SVEP1: variants seen among roughly 807,000 people sequenced by gnomAD.
SVEP1 encodes the protein sushi, von Willebrand factor type A, EGF and pentraxin domain-containing protein 1.
A neutral mutation model predicts 367.3 loss-of-function variants in SVEP1; 164 were observed. That is an observed-to-expected ratio of 0.45 (90% CI 0.39 to 0.51). The LOEUF (loss-of-function observed/expected upper bound fraction) is 0.51, where lower values mean the gene tolerates loss of function less well. Among genes scored for constraint, SVEP1 ranks in the 20% least tolerant of loss-of-function variants. SVEP1 has a pLI of 0.00. For missense variants in SVEP1, 4,117 were observed against 4,425.3 expected (o/e 0.93, Z 1.98); for synonymous variants, 1,666 against 1,611.6 (o/e 1.03, Z -0.81).
intron 32 of SVEP1, among the ~76,000 whole-genome samples, chr9:110,431,025 G>A (rs979224889): frequency 6.6e-6 from 1 of 152,164 alleles, no homozygotes; most frequent in African/African-American, 2.4e-5. Context: ...AAAACGGGAG[G>A]ATATATTGCA....
chr9:110,477,144 T>C (rs906955933), intron 13 of SVEP1, among the ~76,000 whole-genome samples: 16 of 152,184 alleles, frequency 1.1e-4, no homozygotes, highest in South Asian at 8.3e-4. Context: ...CTCACTCCTG[T>C]AGTCATACCC....
At chr9:110,431,667 T>C (rs1057487074) in intron 32 of SVEP1, among the ~76,000 whole-genome samples, 2 of 152,186 alleles carry the variant, frequency 1.3e-5, no homozygotes, top group East Asian at 3.9e-4. Context: ...CGTTTCAACA[T>C]TGTAGAATCA....
chr9:110,390,228 TATATA>T (rs1827621570), intron 40 of SVEP1, among the ~76,000 whole-genome samples: 1 of 138,724 alleles, frequency 7.2e-6, no homozygotes, highest in African/African-American at 2.7e-5. Flanking sequence ...TATATATACT[TATATA>T]AGTATGTGTA....
chr9:110,414,917 G>C (rs1427349228), intron 36 of SVEP1, among the ~76,000 whole-genome samples: 3 of 151,930 alleles, frequency 2.0e-5, no homozygotes, highest in Non-Finnish European at 4.4e-5. Context: ...TTATATCTGA[G>C]AAGAATCAAA....
rs142909963 is a variant in SVEP1 at position 110,409,159 on chromosome 9, G to A, written c.6649-208C>T. 6.8e-3 allele frequency among the ~76,000 whole-genome samples: 1,042 copies of A among 152,132 alleles called. 4 individuals carry two copies. The highest frequency in any genetic ancestry group is 0.015 in the Admixed American group (224 of 15,270). On this transcript the variant is annotated intron_variant, in intron 37 of 47. Transcript: ENST00000374469. ...GATAGTAGAAAGTCAACTTAGGCTC[G>A]GCATGACGATTCATGCCTACAATCC...
intron 1 of SVEP1, among the ~76,000 whole-genome samples, chr9:110,554,185 T>G (rs1830326718): frequency 6.6e-6 from 1 of 151,764 alleles, no homozygotes; most frequent in South Asian, 2.1e-4. Context: ...TTTTTTTTTG[T>G]ATCTGGTAAG....
chr9:110,401,124 C>T lies in SVEP1; in HGVS notation c.9667-115G>A. 4 of 1,301,308 alleles carry T rather than the reference C, an allele frequency of 3.1e-6. No individual in the cohort carries two copies. In the South Asian group the frequency reaches 4.1e-5, roughly 13 times the overall value. The allele number at this position is 1,301,308 out of a possible 1,614,324, so 80.6% of individuals were successfully genotyped here. A position where few individuals can be genotyped will look rare whatever the true frequency, so the allele number is the denominator to read the frequency against. On this transcript the variant is annotated intron_variant, in intron 39 of 47. Coordinates refer to ENST00000374469, the MANE Select transcript of SVEP1 (RefSeq NM_153366.4). ...ATCTCCAAAATGATAGTCAAAAGCA[C>T]CCAGGGTTTGGTCCTACTTTTGCTA...
At chr9:110,440,234 CTTT>C (rs752403233) in intron 27 of SVEP1, among the ~76,000 whole-genome samples, 1 of 152,210 alleles carries the variant, frequency 6.6e-6, no homozygotes, top group Non-Finnish European at 1.5e-5. Flanking sequence ...GTTTCAGCTT[CTTT>C]ATCACGTCTT....
rs1004280215 is a variant in SVEP1, at chr9:110,468,809, C to T, written c.3160+131G>A. 4.6e-6 allele frequency: 4 copies of T among 868,194 alleles called. No individual in the cohort carries two copies. In the Admixed American group the frequency reaches 1.3e-4, roughly 29 times the overall value. 53.8% of individuals were successfully genotyped at this position (868,194 alleles called of 1,614,324 possible). A position where few individuals can be genotyped will look rare whatever the true frequency, so the allele number is the denominator to read the frequency against. ...AATAAATGTGTATGCTTTTCTCTTG[C>T]AAATCTATCTTTTGCCACAGGGGCC... On this transcript the variant is annotated intron_variant, in intron 17 of 47. Coordinates refer to ENST00000374469, the MANE Select transcript of SVEP1 (RefSeq NM_153366.4).
At chr9:110,438,097 C>T (rs1349107771) in intron 27 of SVEP1, among the ~76,000 whole-genome samples, 6 of 150,264 alleles carry the variant, frequency 4.0e-5, no homozygotes, top group Admixed American at 6.6e-5. Context: ...TCATACTATA[C>T]AGAATGTTTG....
rs550996013 is a variant in SVEP1, at chr9:110,555,786, T to TG, written c.532-5683dup. 1.3e-3 allele frequency among the ~76,000 whole-genome samples: 199 copies of TG among 151,902 alleles called. 2 individuals are homozygous for TG. The highest frequency in any genetic ancestry group is 4.6e-3 in the African/African-American group (192 of 41,432). ...ATGCACTTTAAGGATAGAGGAGGGG[T>TG]GGGGGATTTACTGAAAATAATTTAC... On this transcript the variant is annotated intron_variant, in intron 1 of 47. Coordinates refer to ENST00000374469, the MANE Select transcript of SVEP1 (RefSeq NM_153366.4).
chr9:110,413,090 A>G (rs1301790047), intron 36 of SVEP1, among the ~76,000 whole-genome samples: 17 of 141,706 alleles, frequency 1.2e-4, no homozygotes, highest in South Asian at 4.8e-4. Context: ...ACACATGCAC[A>G]CGTATGTTTA....
chr9:110,441,868 A>C (rs1367754375), intron 27 of SVEP1, among the ~76,000 whole-genome samples: 1 of 152,090 alleles, frequency 6.6e-6, no homozygotes, highest in East Asian at 1.9e-4. Flanking sequence ...CATCTCCCCC[A>C]TCCATCTTAA....
chr9:110,426,004 C>A (rs191454703), intron 36 of SVEP1, among the ~76,000 whole-genome samples: 23 of 152,248 alleles, frequency 1.5e-4, no homozygotes, highest in African/African-American at 2.9e-4. Context: ...TTGTTTGGAA[C>A]ATGTATATTT....
rs373770105 is a variant in SVEP1 at position 110,483,624 on chromosome 9, G to T, written c.2000C>A (p.Ala667Asp). ...PPVQVSEKVH[A>D]ASWDEPQFSD... is the part of the protein sequence containing the mutation. ...GAACTGAGGCTCATCCCAGCTTGCGGCATGTACCTTCTCCGAGACCTGGAC... is the reference window on the plus strand; with the variant it reads ...GAACTGAGGCTCATCCCAGCTTGCGTCATGTACCTTCTCCGAGACCTGGAC... The change falls in exon 10 of 48, where the codon GCC becomes GAC. Residue 667 changes from alanine to aspartate, a missense_variant. Transcript: ENST00000374469. 116 of 1,612,680 alleles carry T rather than the reference G, an allele frequency of 7.2e-5. 2 individuals carry two copies. In the South Asian group the frequency reaches 1.0e-3, roughly 15 times the overall value.
At chr9:110,544,280 G>A (rs1741447087) in intron 3 of SVEP1, among the ~76,000 whole-genome samples, 3 of 152,120 alleles carry the variant, frequency 2.0e-5, no homozygotes, top group Admixed American at 1.3e-4. Flanking sequence ...AGCAATGAAT[G>A]ACCACATGGT....
intron 6 of SVEP1, among the ~76,000 whole-genome samples, chr9:110,501,471 G>A (rs1054987908): frequency 4.6e-5 from 7 of 151,482 alleles, no homozygotes; most frequent in African/African-American, 1.7e-4. Flanking sequence ...ACTTTAATGA[G>A]CTCTCGTTGA....
intron 18 of SVEP1, among the ~76,000 whole-genome samples, chr9:110,461,575 G>A (rs769683495): frequency 6.6e-6 from 1 of 151,980 alleles, no homozygotes. Flanking sequence ...CCATGTCATA[G>A]CATCTTTTTT....
At chr9:110,470,349 C>T (rs10759432) in intron 16 of SVEP1, among the ~76,000 whole-genome samples, 98,822 of 151,886 alleles carry the variant, frequency 0.65, 32,194 homozygotes, top group South Asian at 0.7. Context: ...TTTTATGTTA[C>T]GTGAACTTCA....
Sources: allele counts gnomAD v4.1 joint callset (sites outside exome capture counted in the v4.1 genomes callset), GRCh38; gene constraint gnomAD v4.1.1; transcripts MANE v1.5; gene names NCBI Gene and HGNC (gene_info 2026-07-23, HGNC 2026-07-21).